The following PALD1 variants were observed in gnomAD, a reference collection of about 807,000 sequenced individuals.
The protein encoded by PALD1 is phosphatase domain containing paladin 1.
PALD1 carries 57 observed loss-of-function variants against 96.0 expected under a neutral mutation model. The observed-to-expected ratio is 0.59, with a 90% CI of 0.48 to 0.74. The LOEUF (loss-of-function observed/expected upper bound fraction) is 0.74, where lower values mean the gene tolerates loss of function less well. Ranked by LOEUF, PALD1 falls within the 30% of genes least tolerant of loss-of-function variation. The pLI is 0.00. For missense variants in PALD1, 1,063 were observed against 1,143.7 expected (o/e 0.93, Z 1.02); for synonymous variants, 464 against 473.6 (o/e 0.98, Z 0.26).
At chr10:70,558,663 G>T (rs975453926) in intron 18 of PALD1, among the ~76,000 whole-genome samples, 2 of 151,072 alleles carry the variant, frequency 1.3e-5, no homozygotes, top group Admixed American at 6.6e-5. Context: ...TATTACACGG[G>T]GAGTAAGAAG....
rs150934582 is a variant in PALD1 at position 70,538,010 on chromosome 10, C to T, written c.1323+104C>T. 2.1e-3 allele frequency: 1,947 copies of T among 928,412 alleles called. 21 individuals carry two copies. The African/African-American group carries it at 0.023, about 11-fold the overall frequency. 57.5% of individuals were successfully genotyped at this position (928,412 alleles called of 1,614,324 possible). ...TGTGGAGGGAGACCCCCCAAGGAACCGGGGAGGGAAGGGAGGCCAGGAGAG... is the reference window on the plus strand; with the variant it reads ...TGTGGAGGGAGACCCCCCAAGGAACTGGGGAGGGAAGGGAGGCCAGGAGAG... On this transcript the variant is annotated intron_variant, in intron 11 of 19. Transcript: ENST00000263563.
At chr10:70,464,269 T>G in the PALD1 span, among the ~76,000 whole-genome samples, 1 of 148,188 alleles carries the variant, frequency 6.7e-6, no homozygotes, top group Non-Finnish European at 1.5e-5. Flanking sequence ...TGGAGTGCAG[T>G]GGCACAATCT....
chr10:70,458,601 C>T, the PALD1 span, among the ~76,000 whole-genome samples: 3 of 152,304 alleles, frequency 2.0e-5, no homozygotes, highest in South Asian at 6.2e-4. Context: ...GCGTTGTCGC[C>T]GCCAAGGGGG....
chr10:70,546,625 T>C (rs759324223), intron 17 of PALD1, among the ~76,000 whole-genome samples: 1 of 152,190 alleles, frequency 6.6e-6, no homozygotes, highest in Non-Finnish European at 1.5e-5. Context: ...CACTTGAAAA[T>C]ACTGGTACTT....
chr10:70,517,191 C>T (rs866808261), intron 1 of PALD1, among the ~76,000 whole-genome samples: 20 of 152,258 alleles, frequency 1.3e-4, no homozygotes, highest in Admixed American at 3.3e-4. Context: ...GGTTATGGGG[C>T]CAAGGTTGCA....
the PALD1 span, among the ~76,000 whole-genome samples, chr10:70,460,572 C>G: frequency 6.6e-6 from 1 of 152,152 alleles, no homozygotes; most frequent in Non-Finnish European, 1.5e-5. Context: ...TCTCTAGAAT[C>G]CACCTGCTCC....
intron 19 of PALD1, among the ~76,000 whole-genome samples, 198 bp downstream of exon 19, chr10:70,564,717 T>C (rs1354265180): frequency 6.6e-6 from 1 of 152,242 alleles, no homozygotes; most frequent in Non-Finnish European, 1.5e-5. Flanking sequence ...GCAGTTTGTC[T>C]GTGCCTGGCA....
chr10:70,557,938 T>A (rs1305325205), intron 18 of PALD1, among the ~76,000 whole-genome samples: 1 of 140,250 alleles, frequency 7.1e-6, no homozygotes, highest in East Asian at 2.0e-4. Context: ...TCCTTTTTTT[T>A]TTTTTTTTTT....
intron 1 of PALD1, among the ~76,000 whole-genome samples, chr10:70,494,340 C>T (rs949153631): frequency 8.5e-5 from 13 of 152,208 alleles, no homozygotes; most frequent in Non-Finnish European, 1.8e-4. Flanking sequence ...CTCTGTATTT[C>T]TGGCTCCTAG....
chr10:70,547,346 G>C lies in PALD1; in HGVS notation c.2162G>C (p.Arg721Pro). The C allele has an allele frequency of 6.2e-7, 1 of 1,612,894 alleles. No individual in the cohort carries two copies. Among genetic ancestry groups the C allele is most frequent in the South Asian group, 1.1e-5 (1 of 91,050 alleles). The change falls in exon 18 of 20, where the codon CGT becomes CCT. Residue 721 changes from arginine (R) to proline (P), a missense_variant. Arg to Pro is a moderately radical substitution (Grantham distance 103). Coordinates refer to ENST00000263563, the MANE Select transcript of PALD1 (RefSeq NM_014431.3). ...GTGCAGCTGCTACCCGATGGGCACC[G>C]TGTGAAGAAGGAGGTGGACGCAGCG... ...KVVQLLPDGH[R>P]VKKEVDAALD...
chr10:70,552,853 C>T (rs373782475), intron 18 of PALD1, among the ~76,000 whole-genome samples: 54 of 152,292 alleles, frequency 3.5e-4, no homozygotes, highest in African/African-American at 1.2e-3. Context: ...ATTTGGTTGA[C>T]GTGGCCCTAA....
At chr10:70,458,622 C>T in the PALD1 span, among the ~76,000 whole-genome samples, 1 of 152,208 alleles carries the variant, frequency 6.6e-6, no homozygotes, top group African/African-American at 2.4e-5. Flanking sequence ...ACCCGCCCCT[C>T]TCCCCTGTTC....
chr10:70,531,324 T>C lies in PALD1; in HGVS notation c.503T>C (p.Val168Ala), dbSNP rs1340590501. The stretch of plus-strand genomic sequence containing the variant: ...ATCTTCTGTGTGCGGGAGGAACCTG[T>C]GCTTTTCCTGCGTGCAGATGAGGAC... ...CVIFCVREEP[V>A]LFLRADEDFV... The change falls in exon 5 of 20, where the codon GTG (valine) becomes GCG (alanine). Residue 168 changes from valine (V) to alanine (A), a missense_variant. Val to Ala is a moderately conservative substitution (Grantham distance 64). Transcript: ENST00000263563. 25 of 1,613,724 alleles carry C rather than the reference T, an allele frequency of 1.5e-5. No homozygotes were observed. The South Asian group carries it at 2.6e-4, about 17-fold the overall frequency.
the PALD1 span, among the ~76,000 whole-genome samples, chr10:70,468,044 T>C: frequency 1.8e-3 from 268 of 152,198 alleles, no homozygotes; most frequent in Non-Finnish European, 3.1e-3. Context: ...ATTTTACAGA[T>C]GAAGAGACTG....
intron 1 of PALD1, among the ~76,000 whole-genome samples, chr10:70,505,452 A>C (rs1846367240): frequency 6.6e-6 from 1 of 152,054 alleles, no homozygotes; most frequent in African/African-American, 2.4e-5. Context: ...AAAAAATACA[A>C]AATTAGCCGG....
Position 70,526,083 on chromosome 10 carries a change from T to C in PALD1, c.132T>C (p.His44=), listed in dbSNP as rs926976830. The C allele has an allele frequency of 6.2e-7, 1 of 1,614,204 alleles. No homozygotes were observed. Among genetic ancestry groups the C allele is most frequent in the Admixed American group, 1.7e-5 (1 of 60,024 alleles). ...ACTCCTTCCAGAGCACTAGCTTGCA[T>C]AACAGCAAGGCCAAGTCCATCATCC... ...SIHSFQSTSL[H]NSKAKSIIPN... Residue 44 remains histidine, a synonymous_variant, in exon 2 of 20, where the codon CAT becomes CAC. Coordinates refer to ENST00000263563, the MANE Select transcript of PALD1 (RefSeq NM_014431.3).
chr10:70,481,047 A>T (rs1845922574), intron 1 of PALD1, among the ~76,000 whole-genome samples: 1 of 152,216 alleles, frequency 6.6e-6, no homozygotes, highest in East Asian at 1.9e-4. Context: ...CTGGGATCTG[A>T]ATCTCCCCAC....
chr10:70,466,855 T>A, the PALD1 span, among the ~76,000 whole-genome samples: 1 of 152,290 alleles, frequency 6.6e-6, no homozygotes, highest in African/African-American at 2.4e-5. Flanking sequence ...TCCGGGATGC[T>A]GCCAGGGCTC....
chr10:70,542,993 G>A (rs973477338), intron 17 of PALD1, among the ~76,000 whole-genome samples: 1 of 150,120 alleles, frequency 6.7e-6, no homozygotes, highest in Admixed American at 6.6e-5. Context: ...GGCTGGTCTC[G>A]AACTCCTGAC....
Sources: gnomAD v4.1 joint callset for allele counts (sites outside exome capture counted in the v4.1 genomes callset) on GRCh38, gnomAD v4.1.1 for gene constraint, MANE v1.5 for transcripts, NCBI Gene and HGNC (gene_info 2026-07-23, HGNC 2026-07-21) for gene names.